MSANTD5: variants seen among roughly 807,000 people sequenced by gnomAD.
MSANTD5 encodes Myb/SANT DNA binding domain containing 5, also known as uncharacterized protein MSANTD5.
At chr5:178,698,477 T>G (rs12658178), upstream of MSANTD5, among the ~76,000 whole-genome samples, 34 of 152,268 alleles carry the variant, frequency 2.2e-4, no homozygotes, top group East Asian at 5.8e-3. Context: ...TTGGGCTTGA[T>G]TCCACTCTAC....
At chr5:178,703,209 G>A in the MSANTD5 span, among the ~76,000 whole-genome samples, 1 of 152,242 alleles carries the variant, frequency 6.6e-6, no homozygotes, top group Non-Finnish European at 1.5e-5. Context: ...GTGAGGCGTG[G>A]GCACGCTCCC....
chr5:178,698,460 T>C (rs1413668844), upstream of MSANTD5, among the ~76,000 whole-genome samples: 1 of 152,154 alleles, frequency 6.6e-6, no homozygotes, highest in Non-Finnish European at 1.5e-5. Context: ...AGAACAAATC[T>C]TAACTCTTGG....
At chr5:178,697,794 C>G (rs1255155002), upstream of MSANTD5, 2 of 152,178 alleles carry the variant, frequency 1.3e-5, no homozygotes, top group African/African-American at 4.8e-5. Flanking sequence ...GTTTAAATAT[C>G]TTAAATGTGA....
chr5:178,702,474 T>C (rs1282988720), upstream of MSANTD5, among the ~76,000 whole-genome samples: 1 of 151,968 alleles, frequency 6.6e-6, no homozygotes, highest in Non-Finnish European at 1.5e-5. Flanking sequence ...CTAATTTTTG[T>C]ATTTTTAGTA....
chr5:178,694,315 C>CAAAAAAA (rs56778816), downstream of MSANTD5, among the ~76,000 whole-genome samples: 2 of 61,548 alleles, frequency 3.2e-5, no homozygotes, highest in Non-Finnish European at 6.3e-5. Flanking sequence ...GACTCCATCT[C>CAAAAAAA]AAAAAAAAAA....
upstream of MSANTD5, among the ~76,000 whole-genome samples, chr5:178,698,631 G>A (rs1182013796): frequency 6.6e-6 from 1 of 152,054 alleles, no homozygotes; most frequent in Non-Finnish European, 1.5e-5. Context: ...CCAGGCTGGG[G>A]TGCAGTGGCG....
chr5:178,697,351 G>A (rs1197120140), intron 1 of MSANTD5, among the ~76,000 whole-genome samples: 1 of 152,066 alleles, frequency 6.6e-6, no homozygotes. Flanking sequence ...CTACTCGGGA[G>A]GCTGAGGCAG....
At chr5:178,701,140 AT>A (rs1019357770), upstream of MSANTD5, among the ~76,000 whole-genome samples, 7 of 151,782 alleles carry the variant, frequency 4.6e-5, no homozygotes, top group East Asian at 3.9e-4. Flanking sequence ...CGCCCGGCTA[AT>A]TTTTTTTGTA....
chr5:178,700,682 G>A (rs1378074035), upstream of MSANTD5, among the ~76,000 whole-genome samples: 1 of 89,612 alleles, frequency 1.1e-5, no homozygotes, highest in Non-Finnish European at 2.7e-5. Context: ...TCCCGAGCAC[G>A]AGGAGCTCAG....
At chr5:178,706,229 T>C in the MSANTD5 span, among the ~76,000 whole-genome samples, 2 of 152,184 alleles carry the variant, frequency 1.3e-5, no homozygotes, top group African/African-American at 2.4e-5. Flanking sequence ...AAGTTCATGA[T>C]GTGTAATCAT....
At chr5:178,700,716 A>T (rs1765469013), upstream of MSANTD5, among the ~76,000 whole-genome samples, 1 of 136,222 alleles carries the variant, frequency 7.3e-6, no homozygotes, top group South Asian at 2.3e-4. Context: ...GGTCTGATGC[A>T]TAATCCGGGC....
upstream of MSANTD5, among the ~76,000 whole-genome samples, chr5:178,702,622 G>A (rs146345743): frequency 4.0e-4 from 59 of 148,930 alleles, no homozygotes; most frequent in African/African-American, 1.5e-3. Context: ...TTTCAAGACA[G>A]AGTCTCTCTC....
the MSANTD5 span, among the ~76,000 whole-genome samples, chr5:178,705,274 C>T: frequency 6.6e-6 from 1 of 152,034 alleles, no homozygotes; most frequent in African/African-American, 2.4e-5. Flanking sequence ...TCTCGATCTC[C>T]TGACCTCGTG....
At chr5:178,700,595 C>T (rs1232390078), upstream of MSANTD5, among the ~76,000 whole-genome samples, 4 of 60,270 alleles carry the variant, frequency 6.6e-5, no homozygotes, top group African/African-American at 9.2e-5. Context: ...TGCCAGGCTT[C>T]AGGCTAGCAC....
At chr5:178,706,261 T>C in the MSANTD5 span, among the ~76,000 whole-genome samples, 1 of 152,184 alleles carries the variant, frequency 6.6e-6, no homozygotes, top group African/African-American at 2.4e-5. Flanking sequence ...CCTTTATTTA[T>C]ATTAATTTTG....
chr5:178,702,833 G>A, the MSANTD5 span, among the ~76,000 whole-genome samples: 16,204 of 151,840 alleles, frequency 0.11, 1,070 homozygotes, highest in South Asian at 0.21. Context: ...TCCTGACCTC[G>A]TGATCTGTCC....
At chr5:178,697,201 T>C (rs985292981) in intron 1 of MSANTD5, among the ~76,000 whole-genome samples, 13 of 152,288 alleles carry the variant, frequency 8.5e-5, no homozygotes, top group African/African-American at 2.2e-4. Context: ...ACGCCTGTAA[T>C]CCCAGCACTT....
chr5:178,702,304 T>TC (rs1561611089), upstream of MSANTD5, among the ~76,000 whole-genome samples: 146 of 143,946 alleles, frequency 1.0e-3, no homozygotes, highest in African/African-American at 3.7e-3. Context: ...TTTTTTTCTT[T>TC]TTTTTTTTTT....
At chr5:178,698,696 C>T (rs1318456607), upstream of MSANTD5, among the ~76,000 whole-genome samples, 1 of 150,422 alleles carries the variant, frequency 6.6e-6, no homozygotes, top group Non-Finnish European at 1.5e-5. Flanking sequence ...CCTACTGCCT[C>T]AGCCTCGCAG....
Sources: gnomAD v4.1 joint callset for allele counts (sites outside exome capture counted in the v4.1 genomes callset) on GRCh38, gnomAD v4.1.1 for gene constraint, MANE v1.5 for transcripts, NCBI Gene and HGNC (gene_info 2026-07-23, HGNC 2026-07-21) for gene names.